Variants in HNRNPLL observed in about 807,000 individuals in gnomAD.
The protein encoded by HNRNPLL is heterogeneous nuclear ribonucleoprotein L-like.
In HNRNPLL, 25 loss-of-function variants were observed where a neutral mutation model predicts 67.1. That is an observed-to-expected ratio of 0.37 (90% CI 0.27 to 0.52). The LOEUF is 0.52. HNRNPLL is among the 20% of genes least tolerant of loss of function. The probability of loss-of-function intolerance (pLI) is 0.90; values close to 1 mark genes in which losing one functional copy is unlikely to be tolerated. For synonymous variants in HNRNPLL, 267 were observed against 241.7 expected, an observed-to-expected ratio of 1.10 and a Z score of -0.97; for missense variants, 542 against 673.9, an observed-to-expected ratio of 0.80 and a Z score of 2.17.
In HNRNPLL at chr2:38,585,842, C is replaced by T. The variant is rs1159894834; in HGVS notation, c.348G>A (p.Val116=). 6.2e-7 allele frequency: 1 copy of T among 1,613,558 alleles called. No individual in the cohort carries two copies. Among genetic ancestry groups the T allele is most frequent in the Admixed American group, 1.7e-5 (1 of 60,016 alleles). The change falls in exon 3 of 13, where the codon GTG becomes GTA. Residue 116 remains valine (V), a synonymous_variant. Transcript: ENST00000449105. The part of the protein sequence containing the change: ...MMMPFKRQAL[V]EFENIDSAKE... ...TGGCACTATCTATGTTTTCAAATTC[C>T]ACTAGAGCCTGTCGTTTAAATGGCA...
Position 38,568,283 on chromosome 2 carries a change from G to A in HNRNPLL, c.1489C>T (p.Leu497Phe). The A allele has an allele frequency of 2.5e-6, 4 of 1,613,240 alleles. No individual in the cohort carries two copies. Among genetic ancestry groups the A allele is most frequent in the Non-Finnish European group, 2.5e-6 (3 of 1,179,418 alleles). Reference sequence around the variant, plus strand: ...CACTCCCATTCTAATAGCCCAGAAAGTGTTTTGGCTGAAGCTAAAACAAAA... The same window carrying A: ...CACTCCCATTCTAATAGCCCAGAAAATGTTTTGGCTGAAGCTAAAACAAAA... Reference protein sequence around the residue: ...VFDAKPSAKTLSGLLEWECKT... With the variant: ...VFDAKPSAKTFSGLLEWECKT... Residue 497 changes from leucine (L) to phenylalanine (F), a missense_variant, in exon 12 of 13, where the codon CTT (leucine) becomes TTT (phenylalanine). By Grantham distance (22) the Leu-to-Phe change is conservative (BLOSUM62 0). Coordinates refer to ENST00000449105, the MANE Select transcript of HNRNPLL (RefSeq NM_138394.4).
chr2:38,564,176 CTCT>C lies in HNRNPLL; in HGVS notation c.*3_*5del. The C allele has an allele frequency of 1.3e-6, 2 of 1,494,666 alleles. No homozygotes were observed. Among genetic ancestry groups the C allele is most frequent in the Non-Finnish European group, 1.9e-6 (2 of 1,072,492 alleles). 92.6% of individuals were successfully genotyped at this position (1,494,666 alleles called of 1,614,324 possible). ...TGAACATAAATTCTAACATGCTCTT[CTCT>C]TCTTATAAATGGGATGATGTAGAAA... is the stretch of plus-strand genomic sequence containing the variant. On this transcript the variant is annotated 3_prime_UTR_variant, in exon 13 of 13. Coordinates refer to ENST00000449105, the MANE Select transcript of HNRNPLL (RefSeq NM_138394.4).
Position 38,602,649 on chromosome 2 carries a change from T to A in HNRNPLL, c.-23A>T. ...CATGGCGGCGGCCGGAGGGACCGGC[T>A]GGCAGGCGGGTGGGGGTGGCGGTGG... On this transcript the variant is annotated 5_prime_UTR_variant, in exon 1 of 13. Transcript: ENST00000449105. 6.8e-7 allele frequency: 1 copy of A among 1,469,738 alleles called. No homozygotes were observed. Among genetic ancestry groups the A allele is most frequent in the Non-Finnish European group, 9.0e-7 (1 of 1,112,344 alleles). The allele number at this position is 1,469,738 out of a possible 1,614,324, so 91.0% of individuals were successfully genotyped here.
chr2:38,587,230 A>C (rs1041279670), intron 2 of HNRNPLL, among the ~76,000 whole-genome samples: 1 of 152,226 alleles, frequency 6.6e-6, no homozygotes, highest in Non-Finnish European at 1.5e-5. Context: ...GCAAATTATT[A>C]TTATAGTAAA....
In HNRNPLL at chr2:38,602,493, G is replaced by C; in HGVS notation, c.134C>G (p.Ala45Gly). The C allele has an allele frequency of 6.5e-7, 1 of 1,546,106 alleles. No homozygotes were observed. Among genetic ancestry groups the C allele is most frequent in the East Asian group, 2.4e-5 (1 of 41,220 alleles). The part of the protein sequence containing the change: ...SAEEGENRRE[A>G]TPRGGGDGGG... The stretch of plus-strand genomic sequence containing the variant: ...GCCATCGCCCCCGCCCCGGGGCGTC[G>C]CTTCCCGGCGGTTCTCGCCTTCCTC... The change falls in exon 1 of 13, where the codon GCG (alanine) becomes GGG (glycine). Residue 45 changes from alanine (A) to glycine (G), a missense_variant. Around this residue, in one of 2 missense-constraint regions of HNRNPLL, gnomAD observed 127 missense variants for 98.7 expected, o/e 1.29. Transcript: ENST00000449105.
Position 38,568,614 on chromosome 2 carries a change from A to C in HNRNPLL, c.1417-171T>G, listed in dbSNP as rs545623652. On this transcript the variant is annotated intron_variant, in intron 10 of 12. Transcript: ENST00000449105. ...CTGTATGAAAAAATCAATTAAAAACAGTAAAATTCTATAAACTATATTAAG... is the reference window on the plus strand; with the variant it reads ...CTGTATGAAAAAATCAATTAAAAACCGTAAAATTCTATAAACTATATTAAG... Among the ~76,000 whole-genome samples the C allele has an allele frequency of 1.3e-3, 199 of 152,356 alleles. 2 individuals are homozygous for C. The South Asian group carries it at 0.029, about 22-fold the overall frequency.
chr2:38,578,857 CAAG>C (rs746600360), intron 6 of HNRNPLL, among the ~76,000 whole-genome samples: 4 of 152,010 alleles, frequency 2.6e-5, no homozygotes, highest in Non-Finnish European at 5.9e-5. Context: ...TCTAAATGCT[CAAG>C]AAGTTATTAT....
At chr2:38,578,602 G>C (rs1369322900) in intron 6 of HNRNPLL, among the ~76,000 whole-genome samples, 1 of 151,958 alleles carries the variant, frequency 6.6e-6, no homozygotes. Context: ...CCTATTCCAA[G>C]TTATTGTGGC....
intron 1 of HNRNPLL, 125 bp downstream of exon 1, chr2:38,602,313 G>A (rs1667475096): frequency 2.3e-6 from 2 of 859,380 alleles, no homozygotes; most frequent in Non-Finnish European, 1.7e-6. Flanking sequence ...AGAAGAGTGG[G>A]CGCTTCCCCA....
At chr2:38,572,822 C>T (rs1666145181) in intron 8 of HNRNPLL, among the ~76,000 whole-genome samples, 1 of 151,970 alleles carries the variant, frequency 6.6e-6, no homozygotes, top group South Asian at 2.1e-4. Context: ...TTCACAACTT[C>T]TGGCTAGGCT....
rs1215439446 is a variant in HNRNPLL at position 38,563,400 on chromosome 2, A to T, written c.*782T>A. On this transcript the variant is annotated 3_prime_UTR_variant, in exon 13 of 13. Coordinates refer to ENST00000449105, the MANE Select transcript of HNRNPLL (RefSeq NM_138394.4). ...TCTGAAGCCCACCCATGGATCCCAG[A>T]TTATTATCTATAAGAGGAACTGTTA... 1 of 152,128 alleles carries T rather than the reference A, an allele frequency of 6.6e-6. No individual in the cohort carries two copies. Among genetic ancestry groups the T allele is most frequent in the African/African-American group, 2.4e-5 (1 of 41,468 alleles). The allele number at this position is 152,128 out of a possible 1,614,324, so 9.4% of individuals were successfully genotyped here. A position where few individuals can be genotyped will look rare whatever the true frequency, so the allele number is the denominator to read the frequency against.
At position 38,577,520 on chromosome 2, in the gene HNRNPLL, C is replaced by A. The variant is rs1362100273; in HGVS notation, c.815G>T (p.Gly272Val). 6.2e-7 allele frequency: 1 copy of A among 1,607,346 alleles called. No homozygotes were observed. The highest frequency in any genetic ancestry group is 1.1e-5 in the South Asian group (1 of 90,922). ...TCCCAAAATGGCTTGTCTCTGGCGA[C>A]CCTTTCCTCTATCTGACACAAAAGT... ...PYLGRRDRGK[G>V]RQRQAILGEH... Residue 272 changes from glycine (G) to valine (V), a missense_variant, in exon 7 of 13, where the codon GGT (glycine) becomes GTT (valine). By Grantham distance (109) the Gly-to-Val change is moderately radical (BLOSUM62 -3). Around this residue, in one of 2 missense-constraint regions of HNRNPLL, gnomAD observed 415 missense variants for 575.2 expected, o/e 0.72. Coordinates refer to ENST00000449105, the MANE Select transcript of HNRNPLL (RefSeq NM_138394.4).
chr2:38,600,961 G>A (rs959370548), intron 1 of HNRNPLL, among the ~76,000 whole-genome samples: 6 of 152,108 alleles, frequency 3.9e-5, no homozygotes, highest in Non-Finnish European at 5.9e-5. Flanking sequence ...TTTCCAAAAT[G>A]CCTGAAGACA....
chr2:38,575,325 A>T lies in HNRNPLL; in HGVS notation c.875-1898T>A, dbSNP rs184541098. On this transcript the variant is annotated intron_variant, in intron 7 of 12. Coordinates refer to ENST00000449105, the MANE Select transcript of HNRNPLL (RefSeq NM_138394.4). Reference sequence around the variant, plus strand: ...TAAAAAACTAATGCTTCAAATATTTAAAAAACTGACATGGAAAAATGCTAC... The same window carrying T: ...TAAAAAACTAATGCTTCAAATATTTTAAAAACTGACATGGAAAAATGCTAC... Among the ~76,000 whole-genome samples the T allele has an allele frequency of 3.8e-3, 575 of 151,986 alleles. 5 individuals carry two copies. The highest frequency in any genetic ancestry group is 0.013 in the African/African-American group (546 of 41,544).
In HNRNPLL at chr2:38,602,453, C is replaced by T. The variant is rs1264558376; in HGVS notation, c.174G>A (p.Arg58=). 3.9e-6 allele frequency: 6 copies of T among 1,537,246 alleles called. No individual in the cohort carries two copies. The highest frequency in any genetic ancestry group is 4.4e-6 in the Non-Finnish European group (5 of 1,147,558). The part of the protein sequence containing the change: ...RGGGDGGGGG[R]SFSQPEAGGS... ...GCTTTGTTACCGGCTGAGAGAAGCT[C>T]CGGCCGCCGCCGCCGCCATCGCCCC... The change falls in exon 1 of 13, where the codon CGG becomes CGA. Residue 58 remains arginine, a synonymous_variant. Transcript: ENST00000449105.
At chr2:38,594,641 T>C (rs952757418) in intron 1 of HNRNPLL, among the ~76,000 whole-genome samples, 1 of 152,158 alleles carries the variant, frequency 6.6e-6, no homozygotes, top group African/African-American at 2.4e-5. Flanking sequence ...AAAAAAGGTA[T>C]AAAGAACTTT....
At chr2:38,602,292 G>A (rs1572473461) in intron 1 of HNRNPLL, 146 bp downstream of exon 1, 1 of 720,396 alleles carries the variant, frequency 1.4e-6, no homozygotes, top group South Asian at 1.9e-5. Context: ...GCCAGAATAC[G>A]AGCCCCAAAG....
At chr2:38,594,627 C>T (rs919980809) in intron 1 of HNRNPLL, among the ~76,000 whole-genome samples, 1 of 151,970 alleles carries the variant, frequency 6.6e-6, no homozygotes, top group Non-Finnish European at 1.5e-5. Flanking sequence ...ATATTTAAAG[C>T]CTGAAAAAAG....
chr2:38,587,663 A>T (rs1025284218), intron 2 of HNRNPLL, among the ~76,000 whole-genome samples: 1 of 152,218 alleles, frequency 6.6e-6, no homozygotes, highest in African/African-American at 2.4e-5. Context: ...TTCTTTCACA[A>T]AACAAAAAAG....
Sources: allele counts gnomAD v4.1 joint callset (sites outside exome capture counted in the v4.1 genomes callset), GRCh38; gene constraint gnomAD v4.1.1; regional missense constraint gnomAD v4.1.1; transcripts MANE v1.5; gene names NCBI Gene and HGNC (gene_info 2026-07-23, HGNC 2026-07-21).